The following DENND1A variants were observed in gnomAD, a reference collection of about 807,000 sequenced individuals.
The protein encoded by DENND1A is DENN domain-containing protein 1A.
A neutral mutation model predicts 113.7 loss-of-function variants in DENND1A; 51 were observed. The observed-to-expected ratio is 0.45, with a 90% confidence interval of 0.36 to 0.57. The LOEUF (loss-of-function observed/expected upper bound fraction) is 0.57. Among genes scored for constraint, DENND1A ranks in the 20% least tolerant of loss-of-function variants. The pLI is 0.00. For missense variants in DENND1A, 1,258 were observed against 1,395.9 expected (o/e 0.90, Z 1.57); for synonymous variants, 565 against 570.8 (o/e 0.99, Z 0.14).
At chr9:123,735,762 G>A (rs940133937) in intron 5 of DENND1A, among the ~76,000 whole-genome samples, 1 of 152,192 alleles carries the variant, frequency 6.6e-6, no homozygotes, top group African/African-American at 2.4e-5. Flanking sequence ...ACTTTGGGAG[G>A]CCAAGATGGG....
At chr9:123,889,867 G>T (rs1849646710) in intron 1 of DENND1A, among the ~76,000 whole-genome samples, 1 of 152,040 alleles carries the variant, frequency 6.6e-6, no homozygotes, top group South Asian at 2.1e-4. Flanking sequence ...CAGCTACTTG[G>T]GAGGCTGAAT....
intron 2 of DENND1A, among the ~76,000 whole-genome samples, chr9:123,833,253 A>G (rs1276465343): frequency 1.3e-5 from 2 of 151,798 alleles, no homozygotes; most frequent in African/African-American, 4.8e-5. Context: ...CTAATGTTCT[A>G]TGTCTTGACC....
chr9:123,414,692 A>G (rs1305756273), intron 19 of DENND1A: 13 of 1,436,328 alleles, frequency 9.1e-6, no homozygotes, highest in African/African-American at 1.4e-5. Context: ...TCCCAAGTTT[A>G]TTTGAACATA....
chr9:123,457,984 C>T, intron 13 of DENND1A, 87 bp from the exon 14 acceptor site: 1 of 965,160 alleles, frequency 1.0e-6, no homozygotes, highest in South Asian at 1.7e-5. Flanking sequence ...GTTTCTCCAT[C>T]TGCTATTTTT....
At chr9:123,689,008 T>C (rs1589674676) in intron 5 of DENND1A, among the ~76,000 whole-genome samples, 1 of 152,278 alleles carries the variant, frequency 6.6e-6, no homozygotes, top group South Asian at 2.1e-4. Flanking sequence ...GGCAGAAATA[T>C]GTTTCTCTGA....
intron 18 of DENND1A, among the ~76,000 whole-genome samples, chr9:123,445,464 T>C (rs1173812293): frequency 6.6e-6 from 1 of 152,224 alleles, no homozygotes; most frequent in Non-Finnish European, 1.5e-5. Context: ...AAGATTCCCC[T>C]GGTGGTTGTA....
chr9:123,621,083 C>G (rs7037809), intron 10 of DENND1A, among the ~76,000 whole-genome samples: 1 of 151,692 alleles, frequency 6.6e-6, no homozygotes, highest in Non-Finnish European at 1.5e-5. Flanking sequence ...GTTTGGCATA[C>G]ATAAGAGAAT....
At chr9:123,396,826 C>T (rs548752643) in intron 21 of DENND1A, among the ~76,000 whole-genome samples, 9 of 152,284 alleles carry the variant, frequency 5.9e-5, no homozygotes, top group Non-Finnish European at 1.3e-4. Flanking sequence ...TTCTCTGGGT[C>T]CCTCAGAATC....
intron 2 of DENND1A, among the ~76,000 whole-genome samples, chr9:123,813,406 T>A (rs915666863): frequency 4.2e-5 from 6 of 143,968 alleles, no homozygotes; most frequent in African/African-American, 1.5e-4. Context: ...TGAGTAGGAC[T>A]TTTTTTTTTT....
chr9:123,637,176 G>A (rs1045721624), intron 9 of DENND1A, among the ~76,000 whole-genome samples: 1 of 152,228 alleles, frequency 6.6e-6, no homozygotes, highest in Admixed American at 6.5e-5. Flanking sequence ...CACAGGGTTA[G>A]AGGCATTTGG....
chr9:123,717,585 T>A (rs567731458), intron 5 of DENND1A, among the ~76,000 whole-genome samples: 1 of 152,238 alleles, frequency 6.6e-6, no homozygotes, highest in African/African-American at 2.4e-5. Context: ...ATTCTAATTA[T>A]ACTACACAAG....
intron 2 of DENND1A, among the ~76,000 whole-genome samples, chr9:123,823,780 G>C (rs1234013113): frequency 6.6e-6 from 1 of 152,104 alleles, no homozygotes; most frequent in Non-Finnish European, 1.5e-5. Flanking sequence ...GAGATAAGAT[G>C]ATAGAACTGA....
chr9:123,459,229 T>A (rs1432866927), intron 13 of DENND1A, among the ~76,000 whole-genome samples: 1 of 152,146 alleles, frequency 6.6e-6, no homozygotes, highest in South Asian at 2.1e-4. Context: ...AATGCAGAGA[T>A]CAGCTGCTCT....
At chr9:123,754,872 G>A (rs1589949032) in intron 5 of DENND1A, among the ~76,000 whole-genome samples, 1 of 152,266 alleles carries the variant, frequency 6.6e-6, no homozygotes, top group Non-Finnish European at 1.5e-5. Context: ...TCAGAGACAA[G>A]CAAATTCAAA....
chr9:123,767,483 A>G (rs1829007965), intron 4 of DENND1A, among the ~76,000 whole-genome samples: 1 of 152,202 alleles, frequency 6.6e-6, no homozygotes, highest in African/African-American at 2.4e-5. Flanking sequence ...ACATATTTCT[A>G]ACAACAACAA....
intron 5 of DENND1A, among the ~76,000 whole-genome samples, chr9:123,732,868 T>C (rs1358803468): frequency 2.6e-5 from 4 of 152,218 alleles, no homozygotes; most frequent in Non-Finnish European, 4.4e-5. Context: ...TCTTCATCTG[T>C]ATAATGGGGG....
At chr9:123,558,190 G>A (rs975745835) in intron 12 of DENND1A, among the ~76,000 whole-genome samples, 4 of 152,166 alleles carry the variant, frequency 2.6e-5, no homozygotes, top group Admixed American at 6.5e-5. Context: ...ATCTTACAAG[G>A]GTAAAACAGC....
intron 8 of DENND1A, among the ~76,000 whole-genome samples, chr9:123,658,163 T>C (rs1438645875): frequency 6.6e-6 from 1 of 152,210 alleles, no homozygotes; most frequent in Non-Finnish European, 1.5e-5. Context: ...AACTGTCCAT[T>C]CTAACTGCTT....
At chr9:123,909,076 T>C (rs1853449635) in intron 1 of DENND1A, among the ~76,000 whole-genome samples, 1 of 152,194 alleles carries the variant, frequency 6.6e-6, no homozygotes, top group Admixed American at 6.5e-5. Context: ...GAAATCATCA[T>C]TCTCAGTAAA....
Sources: gnomAD v4.1 joint callset for allele counts (sites outside exome capture counted in the v4.1 genomes callset) on GRCh38, gnomAD v4.1.1 for gene constraint, MANE v1.5 for transcripts, NCBI Gene and HGNC (gene_info 2026-07-23, HGNC 2026-07-21) for gene names.